COL22A1: variants seen among roughly 807,000 people sequenced by gnomAD.
The protein encoded by COL22A1 is collagen alpha-1(XXII) chain.
COL22A1 carries 221 observed loss-of-function variants against 248.9 expected under a neutral mutation model. The ratio of observed to expected loss-of-function variants is 0.89; its 90% confidence interval spans 0.80 to 0.99. The LOEUF is 0.99. Among genes scored for constraint, COL22A1 ranks in the 50% least tolerant of loss-of-function variants. The pLI, the probability that COL22A1 is intolerant of heterozygous loss-of-function variation, is 0.00. For missense variants in COL22A1, 2,240 were observed against 2,179.0 expected (o/e 1.03, Z -0.56); for synonymous variants, 891 against 793.4 (o/e 1.12, Z -2.07).
intron 30 of COL22A1, 23 bp downstream of exon 30, chr8:138,715,659 G>A (rs745944069): frequency 6.3e-7 from 1 of 1,591,152 alleles, no homozygotes; most frequent in South Asian, 1.1e-5. Flanking sequence ...TTGATGGTCA[G>A]AATGAGAGCA....
At chr8:138,755,554 G>A (rs779723544) in intron 19 of COL22A1, 43 bp from the exon 20 acceptor site, 26 of 1,608,132 alleles carry the variant, frequency 1.6e-5, no homozygotes, top group Middle Eastern at 1.7e-4. Context: ...TGGCATTTCC[G>A]CAACCACAGT....
intron 22 of COL22A1, among the ~76,000 whole-genome samples, chr8:138,746,620 C>T (rs1402928882): frequency 1.3e-5 from 2 of 152,212 alleles, no homozygotes; most frequent in East Asian, 3.8e-4. Flanking sequence ...GCTCATCGTC[C>T]TTCATTCACT....
At chr8:138,770,614 CA>C (rs1834283080) in intron 16 of COL22A1, among the ~76,000 whole-genome samples, 1 of 152,224 alleles carries the variant, frequency 6.6e-6, no homozygotes, top group Non-Finnish European at 1.5e-5. Flanking sequence ...GGGCTTTTTC[CA>C]AGAGAAGATG....
intron 7 of COL22A1, among the ~76,000 whole-genome samples, chr8:138,819,856 C>G (rs1818962832): frequency 6.6e-6 from 1 of 151,788 alleles, no homozygotes; most frequent in Admixed American, 6.6e-5. Context: ...ACAGCCCAAT[C>G]ATTAAACTTG....
At chr8:138,911,724 G>A (rs79131813) in intron 1 of COL22A1, among the ~76,000 whole-genome samples, 9,407 of 152,244 alleles carry the variant, frequency 0.062, 359 homozygotes, top group African/African-American at 0.1. Flanking sequence ...GACTGCATCC[G>A]TTTAGGGGCC....
At chr8:138,820,656 A>G (rs762738460) in intron 7 of COL22A1, among the ~76,000 whole-genome samples, 6 of 152,130 alleles carry the variant, frequency 3.9e-5, no homozygotes, top group African/African-American at 1.4e-4. Context: ...AGAAGGAAAA[A>G]ATCTGTATTT....
chr8:138,828,951 GC>G (rs1397878109), intron 5 of COL22A1, among the ~76,000 whole-genome samples: 3 of 152,158 alleles, frequency 2.0e-5, no homozygotes, highest in African/African-American at 7.2e-5. Context: ...GGGGCTGGGG[GC>G]TGCCTCAGGA....
intron 1 of COL22A1, among the ~76,000 whole-genome samples, chr8:138,891,082 G>C (rs1825035002): frequency 6.6e-6 from 1 of 152,000 alleles, no homozygotes; most frequent in East Asian, 1.9e-4. Flanking sequence ...AAGAAAACTA[G>C]GAAAATGATT....
rs538488990 is a variant in COL22A1 at position 138,588,955 on chromosome 8, C to T, written c.*298G>A. On this transcript the variant is annotated 3_prime_UTR_variant, in exon 65 of 65. Coordinates refer to ENST00000303045, the MANE Select transcript of COL22A1 (RefSeq NM_152888.3). ...AATGAAGAAACAATCTCCTGCCCCA[C>T]GAATCAAGTTTTCCCAACTTTAAAG... The T allele has an allele frequency of 8.4e-5, 20 of 239,196 alleles. No individual in the cohort carries two copies. Among genetic ancestry groups the T allele is most frequent in the South Asian group, 2.3e-4 (2 of 8,512 alleles). The allele number at this position is 239,196 out of a possible 1,614,324, so 14.8% of individuals were successfully genotyped here.
rs1819380404 is a variant in COL22A1 at position 138,616,955 on chromosome 8, A to G, written c.3829T>C (p.Phe1277Leu). ...CCAGAATCGCCTGTGTGTCCCTTGAAGCCCTAGAAGGAAGAGAATGGAGTT... is the reference window on the plus strand; with the variant it reads ...CCAGAATCGCCTGTGTGTCCCTTGAGGCCCTAGAAGGAAGAGAATGGAGTT... Reference protein sequence around the residue: ...GPEGARGPPGFKGHTGDSGAP... With the variant: ...GPEGARGPPGLKGHTGDSGAP... Residue 1277 changes from phenylalanine to leucine, a missense_variant, in exon 54 of 65, where the codon TTC (phenylalanine) becomes CTC (leucine). Phe to Leu is a conservative substitution (Grantham distance 22). Coordinates refer to ENST00000303045, the MANE Select transcript of COL22A1 (RefSeq NM_152888.3). 1 of 1,614,070 alleles carries G rather than the reference A, an allele frequency of 6.2e-7. No individual in the cohort carries two copies. The highest frequency in any genetic ancestry group is 8.5e-7 in the Non-Finnish European group (1 of 1,180,044).
At chr8:138,661,023 TACACACACATATACAGACACACAC>T (rs1564159073) in intron 43 of COL22A1, among the ~76,000 whole-genome samples, 1 of 35,742 alleles carries the variant, frequency 2.8e-5, no homozygotes, top group African/African-American at 7.4e-5. Context: ...CACACGCACA[TACACACACATATACAGACACACAC>T]ACACACGCAC....
chr8:138,854,787 A>T, intron 3 of COL22A1, among the ~76,000 whole-genome samples: 1 of 151,510 alleles, frequency 6.6e-6, no homozygotes, highest in South Asian at 2.1e-4. Context: ...GGTGGTGGTG[A>T]TTGTGATGGT....
chr8:138,637,357 T>C (rs748071013), intron 47 of COL22A1, among the ~76,000 whole-genome samples: 3 of 152,130 alleles, frequency 2.0e-5, no homozygotes, highest in Non-Finnish European at 2.9e-5. Flanking sequence ...ACGGGAAGCT[T>C]TGGAAGAATT....
chr8:138,590,593 C>T (rs907671389), intron 64 of COL22A1, among the ~76,000 whole-genome samples: 1 of 152,040 alleles, frequency 6.6e-6, no homozygotes, highest in Non-Finnish European at 1.5e-5. Flanking sequence ...TAAATATCCA[C>T]TTTAGAAAAT....
intron 44 of COL22A1, among the ~76,000 whole-genome samples, chr8:138,656,344 T>G (rs911365922): frequency 6.6e-6 from 1 of 152,232 alleles, no homozygotes; most frequent in Non-Finnish European, 1.5e-5. Context: ...GAGCAACAGC[T>G]GTTACTATCA....
chr8:138,619,599 C>T, intron 52 of COL22A1, 91 bp from the exon 53 acceptor site: 1 of 1,255,334 alleles, frequency 8.0e-7, no homozygotes, highest in Non-Finnish European at 1.2e-6. Flanking sequence ...AATCTATTCC[C>T]ACAAGCCAGT....
Position 138,655,941 on chromosome 8 carries a change from G to T in COL22A1, c.3289C>A (p.Leu1097Ile). The T allele has an allele frequency of 6.2e-7, 1 of 1,611,272 alleles. No homozygotes were observed. Among genetic ancestry groups the T allele is most frequent in the East Asian group, 2.2e-5 (1 of 44,868 alleles). ...GERGPPGKPG[L>I]SSLLSPGDIN... ...TCCCCTGGAGACAGTAGTGAAGAGAGGCCCTGTCAAAATAAAAAGAAACAA... is the reference window on the plus strand; with the variant it reads ...TCCCCTGGAGACAGTAGTGAAGAGATGCCCTGTCAAAATAAAAAGAAACAA... Residue 1097 changes from leucine (L) to isoleucine (I), a missense_variant, in exon 45 of 65, where the codon CTC becomes ATC. By Grantham distance (5) the Leu-to-Ile change is conservative. Transcript: ENST00000303045.
chr8:138,881,987 T>A (rs564299803), intron 2 of COL22A1, among the ~76,000 whole-genome samples: 1 of 152,240 alleles, frequency 6.6e-6, no homozygotes, highest in South Asian at 2.1e-4. Flanking sequence ...CAGTCAACTT[T>A]CCCAACTACC....
At position 138,884,358 on chromosome 8, in the gene COL22A1, TAC is replaced by T. The variant is rs148359818; in HGVS notation, c.-72-1116_-72-1115del. On this transcript the variant is annotated intron_variant, in intron 1 of 64. Coordinates refer to ENST00000303045, the MANE Select transcript of COL22A1 (RefSeq NM_152888.3). The stretch of plus-strand genomic sequence containing the variant: ...ACTGGGCATGGAAGATTAGGGCATT[TAC>T]ACACAGTCAGTAAGTACCTATGAAG... Among the ~76,000 whole-genome samples the T allele has an allele frequency of 8.1e-3, 1,228 of 152,296 alleles. 20 individuals are homozygous for T. The highest frequency in any genetic ancestry group is 0.028 in the African/African-American group (1,158 of 41,566).
Sources: allele counts gnomAD v4.1 joint callset (sites outside exome capture counted in the v4.1 genomes callset), GRCh38; gene constraint gnomAD v4.1.1; transcripts MANE v1.5; gene names NCBI Gene and HGNC (gene_info 2026-07-23, HGNC 2026-07-21).